The following PRKCH variants were observed in gnomAD, a reference collection of about 807,000 sequenced individuals.
PRKCH encodes protein kinase C eta type.
A neutral mutation model predicts 82.5 loss-of-function variants in PRKCH; 28 were observed. The observed-to-expected ratio is 0.34, with a 90% CI of 0.25 to 0.47. PRKCH has a LOEUF of 0.47. PRKCH is among the 20% of genes least tolerant of loss of function. PRKCH has a pLI of 1.00. For synonymous variants in PRKCH, 322 were observed against 327.4 expected, an observed-to-expected ratio of 0.98 and a Z score of 0.18; for missense variants, 705 against 881.8, an observed-to-expected ratio of 0.80 and a Z score of 2.54.
rs1400687497 is a variant in PRKCH at position 61,353,352 on chromosome 14, T to C, written c.363+30888T>C. 5 of 152,222 alleles carry C rather than the reference T, an allele frequency of 3.3e-5. No individual in the cohort carries two copies. The South Asian group carries it at 1.0e-3, about 32-fold the overall frequency. 9.4% of individuals were successfully genotyped at this position (152,222 alleles called of 1,614,324 possible). ...TACTTATGAGATATAAAGATTTACA[T>C]AAAGTAGCTGGAAACATTTAACCAA... On this transcript the variant is annotated intron_variant, in intron 1 of 13. Transcript: ENST00000332981.
At chr14:61,338,364 T>C (rs2045886131) in intron 1 of PRKCH, among the ~76,000 whole-genome samples, 1 of 152,222 alleles carries the variant, frequency 6.6e-6, no homozygotes, top group Non-Finnish European at 1.5e-5. Context: ...GATTTACTTT[T>C]TTTTGGTGTG....
chr14:61,340,161 G>T (rs76273500), intron 1 of PRKCH, among the ~76,000 whole-genome samples: 8 of 151,874 alleles, frequency 5.3e-5, no homozygotes, highest in South Asian at 2.1e-4. Flanking sequence ...TTTTCTTCCC[G>T]GTGCCCATCC....
At chr14:61,302,358 G>A (rs928341802) in intron 1 of PRKCH, among the ~76,000 whole-genome samples, 6 of 152,110 alleles carry the variant, frequency 3.9e-5, no homozygotes, top group African/African-American at 1.2e-4. Flanking sequence ...CTTTCTTTAT[G>A]GCATATAAGC....
At chr14:61,526,275 C>T (rs2042965243) in intron 10 of PRKCH, among the ~76,000 whole-genome samples, 3 of 152,188 alleles carry the variant, frequency 2.0e-5, no homozygotes, top group Admixed American at 2.0e-4. Context: ...GGAGCCAGGA[C>T]TGGGTTTGGG....
intron 1 of PRKCH, chr14:61,307,234 C>A (rs929501593): frequency 4.6e-5 from 7 of 152,086 alleles, no homozygotes; most frequent in Non-Finnish European, 7.4e-5. Context: ...CTCTGGTCTC[C>A]ACTATAAAAA....
In PRKCH at chr14:61,424,275, T is replaced by C. The variant is rs140102500; in HGVS notation, c.428-18836T>C. Among the ~76,000 whole-genome samples, 551 of 152,278 alleles carry C rather than the reference T, an allele frequency of 3.6e-3. 5 individuals carry two copies. The highest frequency in any genetic ancestry group is 0.013 in the African/African-American group (535 of 41,546). Reference sequence around the variant, plus strand: ...ACTGCTATAAAGATACCCAAAAATATGGAAGCAACTTTGGAGCTGGATAAC... The same window carrying C: ...ACTGCTATAAAGATACCCAAAAATACGGAAGCAACTTTGGAGCTGGATAAC... On this transcript the variant is annotated intron_variant, in intron 2 of 13. Transcript: ENST00000332981.
At chr14:61,410,151 C>T (rs1036401871) in intron 2 of PRKCH, among the ~76,000 whole-genome samples, 1 of 152,090 alleles carries the variant, frequency 6.6e-6, no homozygotes, top group Non-Finnish European at 1.5e-5. Context: ...GCTTGGTTGG[C>T]TTTGAATGAC....
At chr14:61,313,348 A>G (rs1205332331) in intron 1 of PRKCH, among the ~76,000 whole-genome samples, 2 of 152,250 alleles carry the variant, frequency 1.3e-5, no homozygotes, top group Non-Finnish European at 2.9e-5. Context: ...TATATTAATA[A>G]TAGCTTTAGA....
chr14:61,339,235 T>C (rs1434751462), intron 1 of PRKCH, among the ~76,000 whole-genome samples: 1 of 152,002 alleles, frequency 6.6e-6, no homozygotes, highest in African/African-American at 2.4e-5. Flanking sequence ...CTGCTCTGCC[T>C]GGGTCCCCTC....
At chr14:61,225,203 T>C (rs1566786442) in intron 1 of PRKCH, among the ~76,000 whole-genome samples, 1 of 152,204 alleles carries the variant, frequency 6.6e-6, no homozygotes, top group Non-Finnish European at 1.5e-5. Flanking sequence ...GCATGGTTAT[T>C]TGGATACATG....
intron 1 of PRKCH, among the ~76,000 whole-genome samples, chr14:61,260,156 C>A (rs2045034057): frequency 6.6e-6 from 1 of 152,188 alleles, no homozygotes; most frequent in African/African-American, 2.4e-5. Flanking sequence ...AAGGTTCTAG[C>A]TTTACAGGTG....
rs151236839 is a variant in PRKCH at position 61,509,622 on chromosome 14, C to T, written c.1434-19453C>T. Among the ~76,000 whole-genome samples, 655 of 152,236 alleles carry T rather than the reference C, an allele frequency of 4.3e-3. 7 individuals carry two copies. Among genetic ancestry groups the T allele is most frequent in the Non-Finnish European group, 6.8e-3 (463 of 68,024 alleles). ...AATGTTGGCTGGGTGTGGTGGCTCACGCCTGTAATCCCAGTACTTTGGGAG... is the reference window on the plus strand; with the variant it reads ...AATGTTGGCTGGGTGTGGTGGCTCATGCCTGTAATCCCAGTACTTTGGGAG... On this transcript the variant is annotated intron_variant, in intron 10 of 13. Coordinates refer to ENST00000332981, the MANE Select transcript of PRKCH (RefSeq NM_006255.5).
chr14:61,533,119 G>A (rs1338956145), intron 12 of PRKCH, among the ~76,000 whole-genome samples: 4 of 152,082 alleles, frequency 2.6e-5, no homozygotes, highest in Non-Finnish European at 5.9e-5. Context: ...CAGTGTCCTT[G>A]CTTGTAAAAT....
intron 9 of PRKCH, among the ~76,000 whole-genome samples, chr14:61,464,099 T>G (rs1885150221): frequency 6.6e-6 from 1 of 152,246 alleles, no homozygotes; most frequent in Non-Finnish European, 1.5e-5. Flanking sequence ...TTGGAATTGC[T>G]GGAGCATATG....
intron 1 of PRKCH, among the ~76,000 whole-genome samples, chr14:61,221,368 A>G (rs2044654742): frequency 6.6e-6 from 1 of 152,088 alleles, no homozygotes; most frequent in African/African-American, 2.4e-5. Flanking sequence ...TGGATGGTGG[A>G]TATATCTATT....
intron 2 of PRKCH, among the ~76,000 whole-genome samples, chr14:61,407,602 G>C (rs1171639959): frequency 1.3e-5 from 2 of 152,264 alleles, no homozygotes; most frequent in East Asian, 3.9e-4. Context: ...TCAGGGCCCT[G>C]CTCAAATGTG....
At chr14:61,444,885 G>C (rs901475297) in intron 3 of PRKCH, among the ~76,000 whole-genome samples, 1 of 152,248 alleles carries the variant, frequency 6.6e-6, no homozygotes, top group Non-Finnish European at 1.5e-5. Flanking sequence ...GCCCTGTGCA[G>C]TAGGAACGGT....
intron 10 of PRKCH, among the ~76,000 whole-genome samples, chr14:61,521,549 TA>T (rs2042906856): frequency 1.3e-5 from 2 of 151,732 alleles, no homozygotes; most frequent in Non-Finnish European, 2.9e-5. Flanking sequence ...GATGTTTTTC[TA>T]ATCTTTTTAT....
chr14:61,404,721 C>G (rs1227577747), intron 2 of PRKCH, among the ~76,000 whole-genome samples: 1 of 152,132 alleles, frequency 6.6e-6, no homozygotes, highest in Admixed American at 6.5e-5. Context: ...CTGTTTTGTT[C>G]AAATCAGATG....
Sources: allele counts gnomAD v4.1 joint callset (sites outside exome capture counted in the v4.1 genomes callset), GRCh38; gene constraint gnomAD v4.1.1; transcripts MANE v1.5; gene names NCBI Gene and HGNC (gene_info 2026-07-23, HGNC 2026-07-21).